Variants in PECAM1 observed in about 807,000 individuals in gnomAD.
The protein encoded by PECAM1 is platelet endothelial cell adhesion molecule.
In PECAM1, 8 loss-of-function variants were observed where a neutral mutation model predicts 13.8. That is an observed-to-expected ratio of 0.58 (90% CI 0.34 to 1.05). The LOEUF (loss-of-function observed/expected upper bound fraction) is 1.05, where lower values mean the gene tolerates loss of function less well. PECAM1 is among the 50% of genes least tolerant of loss of function. PECAM1 has a pLI of 0.03. For synonymous variants in PECAM1, 136 were observed against 52.6 expected (o/e 2.58, Z -6.86); for missense variants, 304 against 141.2 (o/e 2.15, Z -5.84).
chr17:64,358,346 T>C (rs1407881890), intron 7 of PECAM1, among the ~76,000 whole-genome samples: 3 of 152,100 alleles, frequency 2.0e-5, no homozygotes, highest in Non-Finnish European at 4.4e-5. Flanking sequence ...CTCAAACTCC[T>C]GGGCTCAAGT....
intron 2 of PECAM1, among the ~76,000 whole-genome samples, chr17:64,386,345 CAGTGAGCTGAGATCCAACCACT>C (rs1240746368): frequency 7.8e-4 from 113 of 145,188 alleles, no homozygotes; most frequent in African/African-American, 2.6e-3. Context: ...GTGAAGGTTG[CAGTGAGCTGAGATCCAACCACT>C]GCACTCCAGC....
chr17:64,376,665 C>T (rs1481116513), intron 3 of PECAM1, among the ~76,000 whole-genome samples: 1 of 152,110 alleles, frequency 6.6e-6, no homozygotes, highest in African/African-American at 2.4e-5. Flanking sequence ...GAATGGATGG[C>T]AATACTGAGT....
intron 2 of PECAM1, among the ~76,000 whole-genome samples, chr17:64,382,517 C>T (rs1316293989): frequency 6.6e-6 from 1 of 152,134 alleles, no homozygotes; most frequent in Non-Finnish European, 1.5e-5. Flanking sequence ...CTTCCAGTTA[C>T]AGAAATAAAG....
chr17:64,381,749 A>G (rs2036485632), intron 2 of PECAM1, among the ~76,000 whole-genome samples: 1 of 152,092 alleles, frequency 6.6e-6, no homozygotes, highest in South Asian at 2.1e-4. Flanking sequence ...TTGTCTTTAT[A>G]TGCAACTTAC....
At position 64,321,944 on chromosome 17, in the gene PECAM1, T is replaced by C; in HGVS notation, c.*1872A>G. On this transcript the variant is annotated 3_prime_UTR_variant, in exon 16 of 16. Coordinates refer to ENST00000563924, the MANE Select transcript of PECAM1 (RefSeq NM_000442.5). ...TCATCAACAGAGACATGAAGGTCGT[T>C]AGAGGTCGTCTGATCCTTTGACCTC... is the stretch of plus-strand genomic sequence containing the variant. The C allele has an allele frequency of 7.6e-7, 1 of 1,321,828 alleles. No homozygotes were observed. Among genetic ancestry groups the C allele is most frequent in the Non-Finnish European group, 1.0e-6 (1 of 997,868 alleles). The allele number at this position is 1,321,828 out of a possible 1,614,324, so 81.9% of individuals were successfully genotyped here.
rs1324111605 is a variant in PECAM1 at position 64,322,841 on chromosome 17, G to A, written c.*975C>T. 2.7e-6 allele frequency: 1 copy of A among 365,658 alleles called. No homozygotes were observed. Among genetic ancestry groups the A allele is most frequent in the Non-Finnish European group, 3.8e-6 (1 of 263,696 alleles). 22.7% of individuals were successfully genotyped at this position (365,658 alleles called of 1,614,324 possible). A position where few individuals can be genotyped will look rare whatever the true frequency, so the allele number is the denominator to read the frequency against. On this transcript the variant is annotated 3_prime_UTR_variant, in exon 16 of 16. Transcript: ENST00000563924. ...AGCGATAATCTCACCTCAGCCTCTT[G>A]AGTAGCTGATACTACAGGCATGCGC...
intron 2 of PECAM1, among the ~76,000 whole-genome samples, chr17:64,386,734 C>A (rs1040627350): frequency 6.6e-6 from 1 of 152,066 alleles, no homozygotes; most frequent in Non-Finnish European, 1.5e-5. Context: ...GAGTTTGAGA[C>A]CAGCCTGGGC....
At chr17:64,341,528 C>G (rs1289337226) in intron 14 of PECAM1, 106 bp downstream of exon 14, 2 of 410,082 alleles carry the variant, frequency 4.9e-6, no homozygotes, top group African/African-American at 4.1e-5. Flanking sequence ...GGTGGCACCC[C>G]TTTTTTGGCC....
rs1364542492 is a variant in PECAM1 at position 64,373,069 on chromosome 17, G to A, written c.691+1982C>T. ...GGAGGTTGCGGTGAGCTGAGATTGC[G>A]CCACTGTACTCGAGCCTGGGCAACA... is the stretch of plus-strand genomic sequence containing the variant. On this transcript the variant is annotated intron_variant, in intron 4 of 15. Transcript: ENST00000563924. Among the ~76,000 whole-genome samples the A allele has an allele frequency of 5.3e-5, 8 of 151,344 alleles. No homozygotes were observed. In the South Asian group the frequency reaches 6.3e-4, roughly 12 times the overall value.
At chr17:64,383,147 G>A (rs1487912252) in intron 2 of PECAM1, among the ~76,000 whole-genome samples, 2 of 152,206 alleles carry the variant, frequency 1.3e-5, no homozygotes, top group Non-Finnish European at 2.9e-5. Context: ...CTCCACACGA[G>A]TCATTCATCT....
At chr17:64,378,863 C>T (rs1431533307) in intron 2 of PECAM1, 21 of 152,082 alleles carry the variant, frequency 1.4e-4, no homozygotes, top group African/African-American at 3.6e-4. Flanking sequence ...ACAGCCAGAA[C>T]GTCTCCTGTA....
Position 64,329,718 on chromosome 17 carries a change from G to A in PECAM1, c.2169C>T (p.Ala723=), listed in dbSNP as rs537981954. The change falls in exon 15 of 16, where the codon GCC becomes GCT. Residue 723 remains alanine (A), a synonymous_variant. Transcript: ENST00000563924. ...YSEVRKAVPD[A]VESRYSRTEG... ...TACTTACAGAGTATCTGCTTTCCAC[G>A]GCATCTACAAAACAAAGGATGACAT... 11 of 769,100 alleles carry A rather than the reference G, an allele frequency of 1.4e-5. No homozygotes were observed. Among genetic ancestry groups the A allele is most frequent in the Admixed American group, 7.0e-5 (4 of 57,154 alleles). The allele number at this position is 769,100 out of a possible 1,614,324, so 47.6% of individuals were successfully genotyped here.
chr17:64,345,711 TA>T (rs34143232), intron 13 of PECAM1, among the ~76,000 whole-genome samples: 8,532 of 81,568 alleles, frequency 0.1, 430 homozygotes, highest in Middle Eastern at 0.19. Flanking sequence ...AAGACTGTCA[TA>T]AAAAAAAAAA....
chr17:64,375,882 T>C (rs1470509444), intron 3 of PECAM1, among the ~76,000 whole-genome samples: 2 of 151,652 alleles, frequency 1.3e-5, no homozygotes, highest in Non-Finnish European at 2.9e-5. Flanking sequence ...AGCTAAGCTA[T>C]GAGGAAACAA....
At chr17:64,349,797 A>G (rs2035671940) in intron 12 of PECAM1, among the ~76,000 whole-genome samples, 1 of 151,994 alleles carries the variant, frequency 6.6e-6, no homozygotes. Context: ...AGGCAGGAGA[A>G]TTGCTTGAAC....
rs1400730125 is a variant in PECAM1, at chr17:64,350,268, A to G, written c.2044+112T>C. ...CACATCGGCTGGGTACAGGGTCATT[A>G]AGAGAGGTGGGAAATTATCCACAGT... On this transcript the variant is annotated intron_variant, in intron 12 of 15. Coordinates refer to ENST00000563924, the MANE Select transcript of PECAM1 (RefSeq NM_000442.5). The G allele has an allele frequency of 1.6e-4, 62 of 392,988 alleles. 1 individual carries two copies. Among genetic ancestry groups the G allele is most frequent in the Non-Finnish European group, 4.2e-5 (9 of 213,546 alleles). 24.3% of individuals were successfully genotyped at this position (392,988 alleles called of 1,614,324 possible).
In PECAM1 at chr17:64,322,016, C is replaced by T. The variant is rs1016169939; in HGVS notation, c.*1800G>A. 2.0e-5 allele frequency: 24 copies of T among 1,220,018 alleles called. No homozygotes were observed. Among genetic ancestry groups the T allele is most frequent in the African/African-American group, 6.3e-5 (4 of 63,954 alleles). The allele number at this position is 1,220,018 out of a possible 1,614,324, so 75.6% of individuals were successfully genotyped here. On this transcript the variant is annotated 3_prime_UTR_variant, in exon 16 of 16. Transcript: ENST00000563924. ...AAACCTGGAAATTGTATGACATTTT[C>T]GTGATACAACTCGGTGTGTGTGTGT... is the stretch of plus-strand genomic sequence containing the variant.
At chr17:64,342,649 A>G (rs1481523186) in intron 13 of PECAM1, among the ~76,000 whole-genome samples, 1 of 151,984 alleles carries the variant, frequency 6.6e-6, no homozygotes, top group Non-Finnish European at 1.5e-5. Context: ...CCTAATATGC[A>G]GACAGGGCTG....
chr17:64,384,720 G>C (rs957958741), intron 2 of PECAM1, among the ~76,000 whole-genome samples: 7 of 152,126 alleles, frequency 4.6e-5, no homozygotes, highest in African/African-American at 1.7e-4. Flanking sequence ...AATGAGACCC[G>C]GTGCCAGCAC....
Sources: gnomAD v4.1 joint callset for allele counts (sites outside exome capture counted in the v4.1 genomes callset) on GRCh38, gnomAD v4.1.1 for gene constraint, MANE v1.5 for transcripts, NCBI Gene and HGNC (gene_info 2026-07-23, HGNC 2026-07-21) for gene names.